NDUFAF7: variants seen among roughly 807,000 people sequenced by gnomAD.
NDUFAF7 encodes NADH:ubiquinone oxidoreductase complex assembly factor 7.
NDUFAF7 carries 48 observed loss-of-function variants against 47.2 expected under a neutral mutation model. The ratio of observed to expected loss-of-function variants is 1.02; its 90% CI spans 0.81 to 1.29. The LOEUF is 1.29. Ranked by LOEUF, NDUFAF7 falls within the 50% of genes most tolerant of loss-of-function variation. The pLI, the probability that NDUFAF7 is intolerant of heterozygous loss-of-function variation, is 0.00. For missense variants in NDUFAF7, 635 were observed against 537.6 expected, an observed-to-expected ratio of 1.18 and a Z score of -1.79; for synonymous variants, 217 against 190.0, an observed-to-expected ratio of 1.14 and a Z score of -1.17.
At chr2:37,235,855 TCA>T (rs1665696968) in intron 2 of NDUFAF7, among the ~76,000 whole-genome samples, 1 of 152,022 alleles carries the variant, frequency 6.6e-6, no homozygotes, top group South Asian at 2.1e-4. Context: ...AGATGGGGTT[TCA>T]CCATGTTAGG....
At chr2:37,262,537 G>T in the NDUFAF7 span, among the ~76,000 whole-genome samples, 2,294 of 152,252 alleles carry the variant, frequency 0.015, 40 homozygotes, top group African/African-American at 0.043. Flanking sequence ...TTTTATAGTA[G>T]ATAAATGAAA....
At chr2:37,242,720 CTA>C (rs1250851287) in intron 6 of NDUFAF7, 27 bp downstream of exon 6, 2 of 1,526,030 alleles carry the variant, frequency 1.3e-6, no homozygotes, top group Non-Finnish European at 1.8e-6. Context: ...AAAGTCATGT[CTA>C]TAATTGAATA....
chr2:37,239,394 C>T (rs572037350), intron 4 of NDUFAF7, among the ~76,000 whole-genome samples: 1 of 152,296 alleles, frequency 6.6e-6, no homozygotes, highest in African/African-American at 2.4e-5. Context: ...GCTGGGATTA[C>T]AGGCATGAGC....
chr2:37,252,500 A>G (rs947748887), downstream of NDUFAF7: 1 of 152,186 alleles, frequency 6.6e-6, no homozygotes, highest in Non-Finnish European at 1.5e-5. Context: ...GAAGGTGACA[A>G]TCCTTATGCT....
chr2:37,260,796 A>G, the NDUFAF7 span, among the ~76,000 whole-genome samples: 1 of 152,146 alleles, frequency 6.6e-6, no homozygotes, highest in Non-Finnish European at 1.5e-5. Context: ...TAAGAGTTTT[A>G]TTTCTAAGGT....
At chr2:37,266,102 T>C in the NDUFAF7 span, among the ~76,000 whole-genome samples, 6 of 152,360 alleles carry the variant, frequency 3.9e-5, no homozygotes, top group Admixed American at 2.0e-4. Flanking sequence ...GGTAGCTTTA[T>C]AGGAGGAGAC....
chr2:37,247,413 A>T (rs567365453), intron 8 of NDUFAF7, 43 bp from the exon 9 acceptor site: 19 of 1,604,616 alleles, frequency 1.2e-5, no homozygotes, highest in Middle Eastern at 3.3e-4. Context: ...CTTTAATCTT[A>T]ATAACCATAA....
the NDUFAF7 span, among the ~76,000 whole-genome samples, chr2:37,259,340 G>A: frequency 6.6e-6 from 1 of 152,188 alleles, no homozygotes; most frequent in Non-Finnish European, 1.5e-5. Flanking sequence ...CAGCCCCTGG[G>A]GAGAGGTGAA....
At chr2:37,246,017 A>G (rs762586858) in intron 7 of NDUFAF7, 35 bp from the exon 8 acceptor site, 1 of 1,610,912 alleles carries the variant, frequency 6.2e-7, no homozygotes, top group Middle Eastern at 1.7e-4. Flanking sequence ...CTTTTGAATG[A>G]TGCATTTTGA....
At chr2:37,242,538 T>C in intron 5 of NDUFAF7, 97 bp from the exon 6 acceptor site, 1 of 904,238 alleles carries the variant, frequency 1.1e-6, no homozygotes, top group Non-Finnish European at 1.8e-6. Context: ...GTAGTGATGA[T>C]TATGGAGGAA....
chr2:37,268,552 T>C, the NDUFAF7 span: 3 of 273,398 alleles, frequency 1.1e-5, no homozygotes, highest in African/African-American at 2.3e-5. Context: ...GTAATAGATA[T>C]TGTGAGAGAA....
the NDUFAF7 span, among the ~76,000 whole-genome samples, chr2:37,270,878 A>T: frequency 9.2e-5 from 14 of 152,246 alleles, no homozygotes; most frequent in Non-Finnish European, 2.9e-5. Context: ...GTTAAACAAA[A>T]GCCAATTCTG....
chr2:37,256,725 C>T, downstream of NDUFAF7: 1 of 1,559,966 alleles, frequency 6.4e-7, no homozygotes, highest in Non-Finnish European at 8.7e-7. Context: ...TGGATTTGGT[C>T]ATTTATATCT....
At chr2:37,237,227 C>T (rs1256232917) in intron 3 of NDUFAF7, among the ~76,000 whole-genome samples, 1 of 152,234 alleles carries the variant, frequency 6.6e-6, no homozygotes, top group Non-Finnish European at 1.5e-5. Context: ...GCCTCAGCCT[C>T]CCAAAGTGCT....
the NDUFAF7 span, among the ~76,000 whole-genome samples, chr2:37,263,315 T>G: frequency 6.6e-6 from 1 of 152,216 alleles, no homozygotes; most frequent in African/African-American, 2.4e-5. Flanking sequence ...TGTTTTCTGA[T>G]TTTGTAATTT....
At chr2:37,242,744 G>T in intron 6 of NDUFAF7, 51 bp downstream of exon 6, 2 of 1,356,940 alleles carry the variant, frequency 1.5e-6, no homozygotes, top group Non-Finnish European at 2.1e-6. Flanking sequence ...AAAAGGCATT[G>T]TGTTGCCAAT....
At chr2:37,265,432 A>T in the NDUFAF7 span, among the ~76,000 whole-genome samples, 218 of 152,306 alleles carry the variant, frequency 1.4e-3, 2 homozygotes, top group African/African-American at 5.1e-3. Flanking sequence ...CTAGAATATC[A>T]ATATTCTATA....
At chr2:37,241,832 C>G (rs1558498969) in intron 5 of NDUFAF7, 41 bp downstream of exon 5, 2 of 1,555,956 alleles carry the variant, frequency 1.3e-6, no homozygotes, top group Non-Finnish European at 1.8e-6. Context: ...ATTTTGATCA[C>G]AACCCTCACA....
At chr2:37,269,699 A>C in the NDUFAF7 span, 1 of 1,578,438 alleles carries the variant, frequency 6.3e-7, no homozygotes. Flanking sequence ...TGGTAGGATA[A>C]AGTAAGGAGT....
Sources: allele counts gnomAD v4.1 joint callset (sites outside exome capture counted in the v4.1 genomes callset), GRCh38; gene constraint gnomAD v4.1.1; transcripts MANE v1.5; gene names NCBI Gene and HGNC (gene_info 2026-07-23, HGNC 2026-07-21).